KCNA2: variants seen among roughly 807,000 people sequenced by gnomAD.
The protein encoded by KCNA2 is potassium channel, voltage gated shaker related subfamily A, member 2.
A neutral mutation model predicts 33.4 loss-of-function variants in KCNA2; 11 were observed. The ratio of observed to expected loss-of-function variants is 0.33; its 90% CI spans 0.21 to 0.55. The LOEUF (loss-of-function observed/expected upper bound fraction) is 0.55. Ranked by LOEUF, KCNA2 falls within the 20% of genes least tolerant of loss-of-function variation. KCNA2 has a pLI of 0.93. For synonymous variants in KCNA2, 222 were observed against 231.3 expected (o/e 0.96, Z 0.37); for missense variants, 291 against 621.6 (o/e 0.47, Z 5.66).
At position 110,604,847 on chromosome 1, in the gene KCNA2, G is replaced by A; in HGVS notation, c.-65C>T. The A allele has an allele frequency of 6.8e-7, 1 of 1,469,622 alleles. No individual in the cohort carries two copies. Among genetic ancestry groups the A allele is most frequent in the Non-Finnish European group, 9.3e-7 (1 of 1,079,588 alleles). 91.0% of individuals were successfully genotyped at this position (1,469,622 alleles called of 1,614,324 possible). On this transcript the variant is annotated 5_prime_UTR_variant, in exon 3 of 3. Transcript: ENST00000316361. The surrounding 1 kb of genome is among the most constrained non-coding windows in gnomAD (Gnocchi z 7.6). ...GCTGCCTGGTGGCAGGGAGCTCAGG[G>A]TGCTGCTACTGGCCCCAGGAAGCAC... is the stretch of plus-strand genomic sequence containing the variant.
chr1:110,614,517 A>G (rs1649987912), intron 1 of KCNA2, among the ~76,000 whole-genome samples: 1 of 152,336 alleles, frequency 6.6e-6, no homozygotes, highest in Non-Finnish European at 1.5e-5. Context: ...AATAGAACAG[A>G]AAAACAAGAA....
chr1:110,600,503 CTG>C lies in KCNA2; in HGVS notation c.*2778_*2779del. The C allele has an allele frequency of 1.0e-6, 1 of 984,944 alleles. No individual in the cohort carries two copies. The highest frequency in any genetic ancestry group is 1.2e-6 in the Non-Finnish European group (1 of 829,758). The allele number at this position is 984,944 out of a possible 1,614,324, so 61.0% of individuals were successfully genotyped here. ...ATATACAATTATAACCATATATCTT[CTG>C]TGTTTGCTTTTATGTTAACCTGGTC... On this transcript the variant is annotated 3_prime_UTR_variant, in exon 3 of 3. Transcript: ENST00000316361.
intron 1 of KCNA2, among the ~76,000 whole-genome samples, chr1:110,618,887 C>T (rs972563236): frequency 6.6e-6 from 1 of 152,212 alleles, no homozygotes; most frequent in African/African-American, 2.4e-5. Flanking sequence ...AAACCTGGCC[C>T]CAGATGCTCT....
intron 1 of KCNA2, among the ~76,000 whole-genome samples, chr1:110,619,858 T>G (rs560176979): frequency 6.6e-6 from 1 of 152,204 alleles, no homozygotes; most frequent in African/African-American, 2.4e-5. Context: ...GAAGCTTTAG[T>G]GTGGTTAAGT....
At position 110,594,088 on chromosome 1, in the gene KCNA2, T is replaced by G; in HGVS notation, c.*9195A>C. 1 of 1,431,364 alleles carries G rather than the reference T, an allele frequency of 7.0e-7. No homozygotes were observed. The highest frequency in any genetic ancestry group is 9.1e-7 in the Non-Finnish European group (1 of 1,097,614). 88.7% of individuals were successfully genotyped at this position (1,431,364 alleles called of 1,614,324 possible). ...GCATCATCCTTACGAAGCTTTACCA[T>G]CAGCCTTGGAGTTCCTTCTGCTATT... On this transcript the variant is annotated 3_prime_UTR_variant, in exon 3 of 3. Coordinates refer to ENST00000316361, the MANE Select transcript of KCNA2 (RefSeq NM_004974.4).
Position 110,601,794 on chromosome 1 carries a change from ATGTGTGTGTG to A in KCNA2, c.*1479_*1488del, listed in dbSNP as rs35728918. On this transcript the variant is annotated 3_prime_UTR_variant, in exon 3 of 3. Transcript: ENST00000316361. ...AGAAAATGAATATATATATATATAT[ATGTGTGTGTG>A]TGTGTGTGTGTGTGTGTGTGTGTGT... 1.0e-3 allele frequency: 876 copies of A among 840,360 alleles called. No homozygotes were observed. The highest frequency in any genetic ancestry group is 5.5e-3 in the East Asian group (103 of 18,850). The allele number at this position is 840,360 out of a possible 1,614,324, so 52.1% of individuals were successfully genotyped here. A position where few individuals can be genotyped will look rare whatever the true frequency, so the allele number is the denominator to read the frequency against.
upstream of KCNA2, chr1:110,608,075 G>C (rs1361731622): frequency 1.3e-5 from 2 of 152,488 alleles, no homozygotes; most frequent in Non-Finnish European, 2.9e-5. Context: ...GCTGCCCTTG[G>C]GAATGGTCAG....
rs185022445 is a variant in KCNA2, at chr1:110,600,817, G to A, written c.*2466C>T. On this transcript the variant is annotated 3_prime_UTR_variant, in exon 3 of 3. Transcript: ENST00000316361. ...TGTGCTGGGCATGGGATGCCCTGCA[G>A]ATACCTGGGGATGTGGGTGACCAGG... 80 of 985,444 alleles carry A rather than the reference G, an allele frequency of 8.1e-5. No homozygotes were observed. The African/African-American group carries it at 1.2e-3, about 15-fold the overall frequency. The allele number at this position is 985,444 out of a possible 1,614,324, so 61.0% of individuals were successfully genotyped here.
chr1:110,611,018 GAGGAAGGAAGGAAGGAAGGAAGGA>G (rs59353690), upstream of KCNA2, among the ~76,000 whole-genome samples: 4 of 144,142 alleles, frequency 2.8e-5, no homozygotes, highest in East Asian at 2.0e-4. Flanking sequence ...AAGACAGAAT[GAGGAAGGAAGGAAGGAAGGAAGGA>G]AGGAAGGAAG....
chr1:110,601,893 T>C lies in KCNA2; in HGVS notation c.*1390A>G, dbSNP rs1041922568. On this transcript the variant is annotated 3_prime_UTR_variant, in exon 3 of 3. Transcript: ENST00000316361. ...TAGTGCACATAGTCAAACACATGCA[T>C]AAATTGCCCTTTGTCAAAAATATTG... The C allele has an allele frequency of 1.0e-5, 15 of 1,453,666 alleles. No individual in the cohort carries two copies. Among genetic ancestry groups the C allele is most frequent in the Non-Finnish European group, 1.4e-5 (15 of 1,106,800 alleles). The allele number at this position is 1,453,666 out of a possible 1,614,324, so 90.0% of individuals were successfully genotyped here.
chr1:110,613,603 C>T (rs1311186167), intron 1 of KCNA2, among the ~76,000 whole-genome samples: 9 of 152,138 alleles, frequency 5.9e-5, no homozygotes, highest in African/African-American at 2.2e-4. Flanking sequence ...GCCCAAGAGG[C>T]TGAGAGGGGT....
At chr1:110,618,554 G>GA (rs1650146466) in intron 1 of KCNA2, among the ~76,000 whole-genome samples, 1 of 152,122 alleles carries the variant, frequency 6.6e-6, no homozygotes, top group African/African-American at 2.4e-5. Flanking sequence ...CCTCAGATGG[G>GA]AAAAAGACCC....
intron 1 of KCNA2, among the ~76,000 whole-genome samples, chr1:110,621,561 G>A: frequency 6.6e-6 from 1 of 152,180 alleles, no homozygotes; most frequent in South Asian, 2.1e-4. Flanking sequence ...ATCAAAACTG[G>A]TACTTTAAGA....
chr1:110,629,498 G>A (rs575016229), intron 1 of KCNA2, among the ~76,000 whole-genome samples: 2 of 152,222 alleles, frequency 1.3e-5, no homozygotes, highest in Admixed American at 6.5e-5. Flanking sequence ...TGCTGTTAAC[G>A]TTTGTAGACT....
upstream of KCNA2, chr1:110,607,420 A>G (rs1649704251): frequency 6.6e-6 from 1 of 151,888 alleles, no homozygotes; most frequent in Non-Finnish European, 1.5e-5. Flanking sequence ...GCACCGCGCC[A>G]CGCAGCGCCG....
Position 110,596,724 on chromosome 1 carries a change from C to A in KCNA2, c.*6559G>T. On this transcript the variant is annotated 3_prime_UTR_variant, in exon 3 of 3. Transcript: ENST00000316361. ...TTTTTCTCAATAACAAAGGTTGAAC[C>A]AGACATGCTTTCCCATTCCCACTCA... The A allele has an allele frequency of 1.0e-6, 1 of 985,238 alleles. No individual in the cohort carries two copies. The highest frequency in any genetic ancestry group is 1.2e-6 in the Non-Finnish European group (1 of 829,714). The allele number at this position is 985,238 out of a possible 1,614,324, so 61.0% of individuals were successfully genotyped here. A position where few individuals can be genotyped will look rare whatever the true frequency, so the allele number is the denominator to read the frequency against.
At chr1:110,629,836 G>T (rs927035329) in intron 1 of KCNA2, among the ~76,000 whole-genome samples, 1 of 152,146 alleles carries the variant, frequency 6.6e-6, no homozygotes, top group African/African-American at 2.4e-5. Flanking sequence ...AGAGAAAAAC[G>T]AGGAGACCGA....
Position 110,603,394 on chromosome 1 carries a change from C to T in KCNA2, c.1389G>A (p.Glu463=), listed in dbSNP as rs751612662. Reference sequence around the variant, plus strand: ...AGTCCTCATTACTGTTATTTACACCCTCCTGGATCTCCATGTAATCAGACT... The same window carrying T: ...AGTCCTCATTACTGTTATTTACACCTTCCTGGATCTCCATGTAATCAGACT... ...ISKSDYMEIQ[E]GVNNSNEDFR... is the part of the protein sequence containing the mutation. Residue 463 remains glutamate, a synonymous_variant, in exon 3 of 3, where the codon GAG becomes GAA. Coordinates refer to ENST00000316361, the MANE Select transcript of KCNA2 (RefSeq NM_004974.4). This position sits in a 1 kb window ranked among gnomAD's most constrained non-coding sequence, Gnocchi z 5.7. 1.9e-6 allele frequency: 3 copies of T among 1,614,198 alleles called. No homozygotes were observed. The highest frequency in any genetic ancestry group is 3.3e-5 in the Admixed American group (2 of 60,032).
chr1:110,601,385 GA>G lies in KCNA2; in HGVS notation c.*1897del. 1 of 985,292 alleles carries G rather than the reference GA, an allele frequency of 1.0e-6. No homozygotes were observed. The highest frequency in any genetic ancestry group is 1.2e-6 in the Non-Finnish European group (1 of 829,924). 61.0% of individuals were successfully genotyped at this position (985,292 alleles called of 1,614,324 possible). ...AGGGGATCCATTCTGGCTCTTTAGC[GA>G]AAGGTTTGTGAAAGTGACGGATGCA... On this transcript the variant is annotated 3_prime_UTR_variant, in exon 3 of 3. Transcript: ENST00000316361.
Sources: gnomAD v4.1 joint callset for allele counts (sites outside exome capture counted in the v4.1 genomes callset) on GRCh38, gnomAD v4.1.1 for gene constraint, Gnocchi (gnomAD v3.1) non-coding constraint, MANE v1.5 for transcripts, NCBI Gene and HGNC (gene_info 2026-07-23, HGNC 2026-07-21) for gene names.